Variants in ANXA10 observed in about 807,000 individuals in gnomAD.
ANXA10 encodes annexin A10.
ANXA10 carries 49 observed loss-of-function variants against 53.5 expected under a neutral mutation model. The ratio of observed to expected loss-of-function variants is 0.92; its 90% CI spans 0.73 to 1.16. ANXA10 has a LOEUF of 1.16. ANXA10 is among the 50% of genes most tolerant of loss of function. The pLI is 0.00. For synonymous variants in ANXA10, 131 were observed against 128.9 expected (o/e 1.02, Z -0.11); for missense variants, 393 against 394.4 (o/e 1.00, Z 0.03).
At chr4:168,127,811 T>C (rs768531011) in intron 1 of ANXA10, 5 of 468,252 alleles carry the variant, frequency 1.1e-5, no homozygotes, top group South Asian at 8.4e-5. Context: ...AAAACAATGT[T>C]GAAACCTTTT....
chr4:168,128,601 C>T (rs776261802), intron 2 of ANXA10, among the ~76,000 whole-genome samples: 41 of 152,108 alleles, frequency 2.7e-4, no homozygotes, highest in Non-Finnish European at 2.5e-4. Context: ...TGTAAATTGG[C>T]CCAATCACTT....
intron 1 of ANXA10, among the ~76,000 whole-genome samples, chr4:168,104,932 G>C (rs1053571826): frequency 6.7e-6 from 1 of 150,168 alleles, no homozygotes; most frequent in African/African-American, 2.5e-5. Context: ...ATTTTATTTC[G>C]TTCTAATATA....
chr4:168,162,603 C>T lies in ANXA10; in HGVS notation c.271C>T (p.Pro91Ser). The T allele has an allele frequency of 1.2e-6, 2 of 1,613,944 alleles. No individual in the cohort carries two copies. Among genetic ancestry groups the T allele is most frequent in the Non-Finnish European group, 8.5e-7 (1 of 1,179,884 alleles). The change falls in exon 4 of 12, where the codon CCA (proline) becomes TCA (serine). Residue 91 changes from proline to serine, a missense_variant. Physicochemically the swap from Pro to Ser is moderately conservative, Grantham distance 74 (BLOSUM62 -1). Transcript: ENST00000359299. The part of the protein sequence containing the change: ...DVMAGLMYPP[P>S]LYDAHELWHA... The stretch of plus-strand genomic sequence containing the variant: ...GATGGCTGGCCTCATGTACCCACCA[C>T]CACTGTATGATGCTCATGAGCTCTG...
chr4:168,092,622 T>A lies in ANXA10; in HGVS notation c.-79T>A. 1.5e-6 allele frequency: 2 copies of A among 1,375,354 alleles called. No homozygotes were observed. The highest frequency in any genetic ancestry group is 2.0e-6 in the Non-Finnish European group (2 of 981,086). The allele number at this position is 1,375,354 out of a possible 1,614,324, so 85.2% of individuals were successfully genotyped here. A position where few individuals can be genotyped will look rare whatever the true frequency, so the allele number is the denominator to read the frequency against. ...ATTTGATTTAACAGTGAACCTTAATTCTTTCTGGCTTCACAGTGAAACAAG... is the reference window on the plus strand; with the variant it reads ...ATTTGATTTAACAGTGAACCTTAATACTTTCTGGCTTCACAGTGAAACAAG... On this transcript the variant is annotated 5_prime_UTR_variant, in exon 1 of 12. Transcript: ENST00000359299.
intron 6 of ANXA10, 99 bp from the exon 7 acceptor site, chr4:168,177,641 G>T: frequency 1.7e-6 from 2 of 1,198,020 alleles, no homozygotes; most frequent in South Asian, 1.3e-5. Context: ...AAGTTCCTTA[G>T]GAACAATCAG....
chr4:168,186,490 G>T (rs535727868), intron 11 of ANXA10, among the ~76,000 whole-genome samples: 1 of 152,282 alleles, frequency 6.6e-6, no homozygotes, highest in South Asian at 2.1e-4. Flanking sequence ...TGGGATTAAT[G>T]TCCTTATAAA....
At chr4:168,162,464 A>C in intron 3 of ANXA10, 64 bp from the exon 4 acceptor site, 126 of 1,050,904 alleles carry the variant, frequency 1.2e-4, no homozygotes, top group Middle Eastern at 2.3e-4. Flanking sequence ...ACTTTCTGCA[A>C]TTATCTCATT....
At position 168,177,928 on chromosome 4, in the gene ANXA10, C is replaced by CA. The variant is rs1732163162; in HGVS notation, c.577dup (p.Thr193AsnfsTer35). ...CCTGTCAGCAGAAGACGGGGGAGCA[C>CA]AAAACCATGCTGCAAATGATCCTGT... On this transcript the variant is annotated frameshift_variant, in exon 8 of 12. Transcript: ENST00000359299. LOFTEE classifies it high-confidence loss of function. 6.2e-7 allele frequency: 1 copy of CA among 1,613,968 alleles called. No homozygotes were observed. Among genetic ancestry groups the CA allele is most frequent in the Non-Finnish European group, 8.5e-7 (1 of 1,180,026 alleles).
chr4:168,126,129 T>C (rs1350286882), intron 1 of ANXA10, among the ~76,000 whole-genome samples: 14 of 146,780 alleles, frequency 9.5e-5, no homozygotes, highest in Non-Finnish European at 1.8e-4. Context: ...TAAAAAAAAA[T>C]CATGCATATA....
intron 6 of ANXA10, among the ~76,000 whole-genome samples, chr4:168,166,152 A>C (rs1560788224): frequency 6.6e-6 from 1 of 152,194 alleles, no homozygotes; most frequent in Non-Finnish European, 1.5e-5. Flanking sequence ...ATAGAGAATC[A>C]CAAAGTATAA....
intron 6 of ANXA10, among the ~76,000 whole-genome samples, chr4:168,174,835 G>A (rs749319882): frequency 1.3e-5 from 2 of 152,158 alleles, no homozygotes; most frequent in Non-Finnish European, 2.9e-5. Flanking sequence ...GGAGGGAGTC[G>A]AGGCATTGAA....
intron 3 of ANXA10, among the ~76,000 whole-genome samples, chr4:168,143,424 C>T (rs894737023): frequency 6.6e-6 from 1 of 152,204 alleles, no homozygotes; most frequent in Non-Finnish European, 1.5e-5. Context: ...ATTTTACATT[C>T]GTGCAGAGTG....
chr4:168,184,680 G>C lies in ANXA10; in HGVS notation c.905G>C (p.Arg302Thr). The C allele has an allele frequency of 6.2e-7, 1 of 1,613,526 alleles. No homozygotes were observed. Among genetic ancestry groups the C allele is most frequent in the Non-Finnish European group, 8.5e-7 (1 of 1,179,814 alleles). The change falls in exon 11 of 12, where the codon AGA becomes ACA. Residue 302 changes from arginine to threonine, a missense_variant and splice_region_variant. Transcript: ENST00000359299. ...RYGKSLFHDI[R>T]NFASGHYKKA... ...GGAAAATCCCTATTTCATGATATCA[G>C]AGTAAGTTTCCGACACATGATTTAT...
At chr4:168,157,334 C>T (rs141247715) in intron 3 of ANXA10, among the ~76,000 whole-genome samples, 5,020 of 152,050 alleles carry the variant, frequency 0.033, 115 homozygotes, top group Non-Finnish European at 0.049. Flanking sequence ...GTGGCATGAT[C>T]TCGGCTCACT....
chr4:168,161,169 C>T (rs1159705689), intron 3 of ANXA10, among the ~76,000 whole-genome samples: 2 of 152,032 alleles, frequency 1.3e-5, no homozygotes, highest in African/African-American at 4.8e-5. Flanking sequence ...CCTAGATTTT[C>T]TTCTAGGTTT....
At chr4:168,153,459 C>CAAA (rs200411170) in intron 3 of ANXA10, among the ~76,000 whole-genome samples, 1 of 36,808 alleles carries the variant, frequency 2.7e-5, no homozygotes, top group Non-Finnish European at 7.5e-5. Flanking sequence ...AAAAACAAAA[C>CAAA]AAAAAAAAAA....
intron 3 of ANXA10, among the ~76,000 whole-genome samples, chr4:168,145,813 C>T (rs1731396971): frequency 6.6e-6 from 1 of 152,072 alleles, no homozygotes; most frequent in Admixed American, 6.6e-5. Context: ...AGATGAAGGT[C>T]AAGAAGATAG....
intron 6 of ANXA10, among the ~76,000 whole-genome samples, chr4:168,169,790 G>T (rs1731949029): frequency 1.3e-5 from 2 of 152,232 alleles, no homozygotes. Flanking sequence ...CTTCTATTTG[G>T]TAAAATGTCA....
At chr4:168,135,616 G>A (rs1731224788) in intron 2 of ANXA10, among the ~76,000 whole-genome samples, 1 of 152,106 alleles carries the variant, frequency 6.6e-6, no homozygotes, top group African/African-American at 2.4e-5. Flanking sequence ...CTATTAGCTT[G>A]GTGTGTTGGC....
Sources: allele counts gnomAD v4.1 joint callset (sites outside exome capture counted in the v4.1 genomes callset), GRCh38; gene constraint gnomAD v4.1.1; transcripts MANE v1.5; gene names NCBI Gene and HGNC (gene_info 2026-07-23, HGNC 2026-07-21).